The following PCMTD1 variants were observed in gnomAD, a reference collection of about 807,000 sequenced individuals.
PCMTD1 encodes the protein protein-L-isoaspartate (D-aspartate) O-methyltransferase domain containing 1.
PCMTD1 carries 12 observed loss-of-function variants against 37.6 expected under a neutral mutation model. That is an observed-to-expected ratio of 0.32 (90% CI 0.20 to 0.52). The LOEUF is 0.52. PCMTD1 is among the 20% of genes least tolerant of loss of function. The probability of loss-of-function intolerance (pLI) is 0.97; values close to 1 mark genes in which losing one functional copy is unlikely to be tolerated. For synonymous variants in PCMTD1, 117 were observed against 135.8 expected (o/e 0.86, Z 0.96); for missense variants, 235 against 421.3 (o/e 0.56, Z 3.87).
intron 5 of PCMTD1, among the ~76,000 whole-genome samples, chr8:51,830,013 C>T (rs1163479000): frequency 6.6e-6 from 1 of 151,978 alleles, no homozygotes; most frequent in African/African-American, 2.4e-5. Flanking sequence ...ATTAATACCA[C>T]CTCTCCTCTC....
Position 51,820,613 on chromosome 8 carries a change from C to G in PCMTD1, c.812G>C (p.Arg271Thr). The change falls in exon 6 of 6, where the codon AGG (arginine) becomes ACG (threonine). Residue 271 changes from arginine to threonine, a missense_variant. Around this residue, in one of 3 missense-constraint regions of PCMTD1, gnomAD observed 183 missense variants for 349.3 expected, o/e 0.52. Coordinates refer to ENST00000522514, the MANE Select transcript of PCMTD1 (RefSeq NM_052937.4). ...DEMQAKGIPQRAPPKRKRKRV... is the reference protein window; with the variant it reads ...DEMQAKGIPQTAPPKRKRKRV... ...CTTTCTTTTCCTTTTGGGTGGAGCC[C>G]TTTGAGGAATCCCCTTGGCCTGCAT... The G allele has an allele frequency of 6.2e-7, 1 of 1,611,546 alleles. No individual in the cohort carries two copies. The highest frequency in any genetic ancestry group is 8.5e-7 in the Non-Finnish European group (1 of 1,179,434).
At chr8:51,879,416 T>C (rs1334289532) in intron 1 of PCMTD1, among the ~76,000 whole-genome samples, 2 of 152,050 alleles carry the variant, frequency 1.3e-5, no homozygotes, top group Non-Finnish European at 2.9e-5. Flanking sequence ...AAATGGTAAA[T>C]TAAAACTAAA....
At chr8:51,838,732 G>A (rs1420073876) in intron 3 of PCMTD1, among the ~76,000 whole-genome samples, 1 of 152,142 alleles carries the variant, frequency 6.6e-6, no homozygotes, top group South Asian at 2.1e-4. Flanking sequence ...TAGAGGTAAA[G>A]GACATATTTT....
intron 1 of PCMTD1, among the ~76,000 whole-genome samples, chr8:51,891,377 C>T (rs1031535024): frequency 6.6e-6 from 1 of 151,906 alleles, no homozygotes; most frequent in Non-Finnish European, 1.5e-5. Context: ...TACTGAGACA[C>T]CTATCTCTAC....
At chr8:51,895,222 A>T (rs2038983645) in intron 1 of PCMTD1, among the ~76,000 whole-genome samples, 1 of 152,212 alleles carries the variant, frequency 6.6e-6, no homozygotes, top group African/African-American at 2.4e-5. Context: ...GGCCCCAAGA[A>T]GGGAGAGTTG....
intron 1 of PCMTD1, among the ~76,000 whole-genome samples, chr8:51,862,368 A>T (rs1186016579): frequency 6.6e-6 from 1 of 152,016 alleles, no homozygotes; most frequent in Non-Finnish European, 1.5e-5. Context: ...ACACACACAC[A>T]CACACTCACA....
At chr8:51,864,225 A>G (rs1000683543) in intron 1 of PCMTD1, among the ~76,000 whole-genome samples, 1 of 152,244 alleles carries the variant, frequency 6.6e-6, no homozygotes, top group African/African-American at 2.4e-5. Flanking sequence ...TTTTAAATAT[A>G]TATGCAGTCA....
At chr8:51,888,903 A>G (rs2038900505) in intron 1 of PCMTD1, among the ~76,000 whole-genome samples, 1 of 151,990 alleles carries the variant, frequency 6.6e-6, no homozygotes, top group South Asian at 2.1e-4. Flanking sequence ...CTCAGAGACC[A>G]ACACACACAG....
At chr8:51,897,498 A>G (rs918402063) in intron 1 of PCMTD1, among the ~76,000 whole-genome samples, 2 of 152,252 alleles carry the variant, frequency 1.3e-5, no homozygotes, top group African/African-American at 4.8e-5. Flanking sequence ...ATATGGAATT[A>G]AAATTTACTT....
At chr8:51,827,004 T>C (rs2037930491) in intron 5 of PCMTD1, 1 of 953,348 alleles carries the variant, frequency 1.0e-6, no homozygotes, top group Non-Finnish European at 1.2e-6. Flanking sequence ...TATATATATA[T>C]TATTTTTGGG....
intron 1 of PCMTD1, among the ~76,000 whole-genome samples, chr8:51,877,612 TG>T (rs1040623067): frequency 6.6e-6 from 1 of 152,180 alleles, no homozygotes; most frequent in Non-Finnish European, 1.5e-5. Flanking sequence ...CCTAATTACA[TG>T]GGGAGGAAAG....
chr8:51,821,145 T>A (rs1297475202), intron 5 of PCMTD1, among the ~76,000 whole-genome samples: 3 of 152,206 alleles, frequency 2.0e-5, no homozygotes, highest in Non-Finnish European at 4.4e-5. Context: ...TATGAAGTTT[T>A]TGTTTGTTTG....
chr8:51,828,403 A>T (rs910381192), intron 5 of PCMTD1, among the ~76,000 whole-genome samples: 3 of 152,216 alleles, frequency 2.0e-5, no homozygotes, highest in African/African-American at 7.2e-5. Flanking sequence ...ACTATAATAA[A>T]TAGTACTAAT....
At chr8:51,833,033 C>T (rs1461655019) in intron 4 of PCMTD1, among the ~76,000 whole-genome samples, 3 of 152,090 alleles carry the variant, frequency 2.0e-5, no homozygotes, top group South Asian at 2.1e-4. Flanking sequence ...TTTGTAGAGA[C>T]GGGGTTTCGC....
intron 2 of PCMTD1, chr8:51,850,184 A>G (rs938524864): frequency 1.5e-5 from 10 of 670,362 alleles, no homozygotes; most frequent in Non-Finnish European, 1.9e-5. Context: ...CAGTCACTGT[A>G]AGACCGGTTC....
chr8:51,880,776 T>C (rs2038780023), intron 1 of PCMTD1, among the ~76,000 whole-genome samples: 1 of 152,218 alleles, frequency 6.6e-6, no homozygotes, highest in African/African-American at 2.4e-5. Context: ...GGCCAGTTAA[T>C]AAACATTTTA....
intron 1 of PCMTD1, among the ~76,000 whole-genome samples, chr8:51,895,163 A>AG (rs1295752329): frequency 1.3e-5 from 2 of 152,354 alleles, no homozygotes; most frequent in South Asian, 2.1e-4. Flanking sequence ...TAACACCTAC[A>AG]GGCAACATCT....
rs199499325 is a variant in PCMTD1, at chr8:51,831,398, A to C, written c.706+46T>G. 3.8e-6 allele frequency: 6 copies of C among 1,576,870 alleles called. No homozygotes were observed. The Middle Eastern group carries it at 6.6e-4, about 173-fold the overall frequency. On this transcript the variant is annotated intron_variant, in intron 5 of 5. Coordinates refer to ENST00000522514, the MANE Select transcript of PCMTD1 (RefSeq NM_052937.4). Reference sequence around the variant, plus strand: ...CTTAAATCCCAAGCATAAAAGCCAAACACCATAAGTCATAATTCAATCAGA... The same window carrying C: ...CTTAAATCCCAAGCATAAAAGCCAACCACCATAAGTCATAATTCAATCAGA...
chr8:51,868,081 C>T (rs1171448168), intron 1 of PCMTD1, among the ~76,000 whole-genome samples: 2 of 152,014 alleles, frequency 1.3e-5, no homozygotes, highest in Non-Finnish European at 2.9e-5. Flanking sequence ...AACATCACAT[C>T]GCACCCCATA....
Sources: allele counts gnomAD v4.1 joint callset (sites outside exome capture counted in the v4.1 genomes callset), GRCh38; gene constraint gnomAD v4.1.1; regional missense constraint gnomAD v4.1.1; transcripts MANE v1.5; gene names NCBI Gene and HGNC (gene_info 2026-07-23, HGNC 2026-07-21).